Variants in CCPG1 observed in about 807,000 individuals in gnomAD.
CCPG1 encodes the protein cell cycle progression protein 1.
CCPG1 carries 46 observed loss-of-function variants against 81.3 expected under a neutral mutation model. The ratio of observed to expected loss-of-function variants is 0.57; its 90% CI spans 0.45 to 0.72. The LOEUF (loss-of-function observed/expected upper bound fraction) is 0.72. CCPG1 is among the 30% of genes least tolerant of loss of function. The pLI is 0.00. For missense variants in CCPG1, 902 were observed against 937.6 expected (o/e 0.96, Z 0.50); for synonymous variants, 330 against 305.2 (o/e 1.08, Z -0.85).
intron 6 of CCPG1, 110 bp from the exon 7 acceptor site, chr15:55,365,419 G>GTTTTTTTTTTTGTTTTTTTTTTT (rs2056303184): frequency 2.2e-6 from 1 of 446,370 alleles, no homozygotes; most frequent in Non-Finnish European, 3.6e-6. Flanking sequence ...TCTTTTTTTT[G>GTTTTTTTTTTTGTTTTTTTTTTT]TTTTTTTTTT....
rs780916340 is a variant in CCPG1 at position 55,371,923 on chromosome 15, G to C, written c.576C>G (p.Asp192Glu). The C allele has an allele frequency of 6.2e-7, 1 of 1,614,074 alleles. No homozygotes were observed. The highest frequency in any genetic ancestry group is 1.7e-5 in the Admixed American group (1 of 59,998). The change falls in exon 6 of 9, where the codon GAC (aspartate) becomes GAG (glutamate). Residue 192 changes from aspartate to glutamate, a missense_variant. This residue lies in a region of CCPG1 where 746 missense variants were observed against 728.6 expected (regional missense o/e 1.02). Coordinates refer to ENST00000442196, the MANE Select transcript of CCPG1 (RefSeq NM_001204450.2). ...CAGTTTCTTGTTCAGCAACTAGCCG[G>C]TCTTCAGATTCTGAAGCAGAAACGG... The part of the protein sequence containing the change: ...KKTVSASESE[D>E]RLVAEQETEP...
Position 55,385,691 on chromosome 15 carries a change from A to G in CCPG1, c.84T>C (p.Asn28=), listed in dbSNP as rs1413368731. 3.7e-6 allele frequency: 6 copies of G among 1,607,440 alleles called. No homozygotes were observed. The highest frequency in any genetic ancestry group is 5.1e-6 in the Non-Finnish European group (6 of 1,174,022). The change falls in exon 3 of 9, where the codon AAT becomes AAC. Residue 28 remains asparagine (N), a synonymous_variant. Coordinates refer to ENST00000442196, the MANE Select transcript of CCPG1 (RefSeq NM_001204450.2). ...CACAGCTGTCAGTGGGGGTCACAGA[A>G]TTCAACATTTCTATATCTGACCCCT... is the stretch of plus-strand genomic sequence containing the variant. ...SHEGSDIEML[N]SVTPTDSCEP... is the part of the protein sequence containing the mutation.
At chr15:55,389,343 TA>T in intron 2 of CCPG1, 21 bp downstream of exon 2, 1 of 1,499,126 alleles carries the variant, frequency 6.7e-7, no homozygotes, top group Non-Finnish European at 9.3e-7. Flanking sequence ...AATTACCTTA[TA>T]AAAAGTATTA....
At position 55,365,211 on chromosome 15, in the gene CCPG1, G is replaced by A; in HGVS notation, c.805C>T (p.Gln269Ter). Residue 269 changes from glutamine (Q) to a stop codon, truncating the protein, a stop_gained, in exon 7 of 9, where the codon CAA becomes TAA. Transcript: ENST00000442196. LOFTEE classifies it high-confidence loss of function. ...KDYLSQCQQEQESFIDYKSLK... is the reference protein window; with the variant it reads ...KDYLSQCQQE ...ACCTTATAATCTATAAAAGATTCTT[G>A]TTCCTGTTGACACTGGGAAAGATAA... 6.8e-7 allele frequency: 1 copy of A among 1,464,912 alleles called. No individual in the cohort carries two copies. Among genetic ancestry groups the A allele is most frequent in the Non-Finnish European group, 9.4e-7 (1 of 1,058,630 alleles). 90.7% of individuals were successfully genotyped at this position (1,464,912 alleles called of 1,614,324 possible).
Position 55,374,210 on chromosome 15 carries a change from T to A in CCPG1, c.455-2166A>T, listed in dbSNP as rs764653401. 5 of 1,288,892 alleles carry A rather than the reference T, an allele frequency of 3.9e-6. No homozygotes were observed. The African/African-American group carries it at 6.1e-5, about 16-fold the overall frequency. 79.8% of individuals were successfully genotyped at this position (1,288,892 alleles called of 1,614,324 possible). A position where few individuals can be genotyped will look rare whatever the true frequency, so the allele number is the denominator to read the frequency against. On this transcript the variant is annotated intron_variant, in intron 5 of 8. Transcript: ENST00000442196. ...GTTTCAGCTGATCATCCCATCCCCA[T>A]ATGCACTCAGGAATCTTCCACAGCT...
At chr15:55,391,710 C>A (rs2056917015) in intron 1 of CCPG1, among the ~76,000 whole-genome samples, 1 of 151,746 alleles carries the variant, frequency 6.6e-6, no homozygotes, top group African/African-American at 2.4e-5. Context: ...ATTTCTGGAG[C>A]CGGAAGCAGT....
chr15:55,391,161 C>T (rs1472312194), intron 1 of CCPG1, among the ~76,000 whole-genome samples: 1 of 152,180 alleles, frequency 6.6e-6, no homozygotes, highest in Non-Finnish European at 1.5e-5. Context: ...CCCGTTCTGT[C>T]ATACAGGCTT....
chr15:55,372,649 A>T, intron 5 of CCPG1: 1 of 235,128 alleles, frequency 4.3e-6, no homozygotes, highest in Non-Finnish European at 8.4e-6. Flanking sequence ...ACAGAGCAAA[A>T]CTCTGTCTCA....
intron 3 of CCPG1, among the ~76,000 whole-genome samples, chr15:55,383,157 A>G (rs1437035920): frequency 6.6e-6 from 1 of 152,238 alleles, no homozygotes; most frequent in African/African-American, 2.4e-5. Context: ...ATGTTGTGTT[A>G]GCAGGAAACA....
intron 2 of CCPG1, among the ~76,000 whole-genome samples, chr15:55,386,566 T>C (rs1024279425): frequency 6.6e-6 from 1 of 152,048 alleles, no homozygotes; most frequent in African/African-American, 2.4e-5. Context: ...CTCTTGCGTA[T>C]ACATAACTCA....
At chr15:55,375,564 C>T (rs1251472514) in intron 5 of CCPG1, among the ~76,000 whole-genome samples, 1 of 152,070 alleles carries the variant, frequency 6.6e-6, no homozygotes, top group Non-Finnish European at 1.5e-5. Context: ...CTCTGAACAT[C>T]AAGAATGTCA....
chr15:55,401,665 CA>C (rs59999532), intron 1 of CCPG1, among the ~76,000 whole-genome samples: 81,892 of 138,122 alleles, frequency 0.59, 24,623 homozygotes, highest in East Asian at 0.94. Context: ...AACTCCGTCT[CA>C]AAAAAAAAAA....
At chr15:55,380,345 G>C (rs540733088) in intron 3 of CCPG1, among the ~76,000 whole-genome samples, 1 of 150,932 alleles carries the variant, frequency 6.6e-6, no homozygotes, top group Non-Finnish European at 1.5e-5. Flanking sequence ...GCCCAGGCTG[G>C]AGTGCAGTGG....
chr15:55,356,246 G>A lies in CCPG1; in HGVS notation c.2398C>T (p.Gln800Ter), dbSNP rs1385031132. 3.9e-6 allele frequency: 6 copies of A among 1,533,756 alleles called. No homozygotes were observed. Among genetic ancestry groups the A allele is most frequent in the Non-Finnish European group, 5.2e-6 (6 of 1,145,886 alleles). ...CAGTATTGAGGATCAAAAGGTAATT[G>A]CCCCAATTCTATTTCAAGATTTGCC... ...QMANLEIELG[Q>*]LPFDPQY Residue 800 changes from glutamine (Q) to a stop codon, truncating the protein, a stop_gained, in exon 9 of 9, where the codon CAA becomes TAA. Transcript: ENST00000442196. LOFTEE classifies it high-confidence loss of function.
chr15:55,400,225 A>C (rs1047839017), intron 1 of CCPG1, among the ~76,000 whole-genome samples: 8 of 149,756 alleles, frequency 5.3e-5, no homozygotes, highest in Admixed American at 1.4e-4. Flanking sequence ...AAAAAAAAAA[A>C]AAAGGCCAGG....
At chr15:55,383,241 T>C (rs956694881) in intron 3 of CCPG1, among the ~76,000 whole-genome samples, 5 of 152,210 alleles carry the variant, frequency 3.3e-5, no homozygotes, top group Non-Finnish European at 1.5e-5. Flanking sequence ...ATACAATGTC[T>C]AGTATTTTGA....
chr15:55,358,990 T>TAA lies in CCPG1; in HGVS notation c.2234+548_2234+549insTT, dbSNP rs757686371. 2.7e-4 allele frequency: 265 copies of TAA among 978,602 alleles called. 1 individual carries two copies. The highest frequency in any genetic ancestry group is 1.3e-3 in the Admixed American group (21 of 16,272). The allele number at this position is 978,602 out of a possible 1,614,324, so 60.6% of individuals were successfully genotyped here. A position where few individuals can be genotyped will look rare whatever the true frequency, so the allele number is the denominator to read the frequency against. On this transcript the variant is annotated intron_variant, in intron 8 of 8. Coordinates refer to ENST00000442196, the MANE Select transcript of CCPG1 (RefSeq NM_001204450.2). ...TTATTATGAAGTACACACATTAGAA[T>TAA]TTGACTTGCTTAGTTTGCCTCTTTG...
At chr15:55,380,279 T>C (rs1263061591) in intron 3 of CCPG1, among the ~76,000 whole-genome samples, 1 of 150,042 alleles carries the variant, frequency 6.7e-6, no homozygotes, top group Non-Finnish European at 1.5e-5. Context: ...TGAACATGCA[T>C]TTCTTTTTGT....
chr15:55,370,655 T>G (rs531558341), intron 6 of CCPG1, among the ~76,000 whole-genome samples: 3 of 152,154 alleles, frequency 2.0e-5, no homozygotes, highest in Admixed American at 6.5e-5. Context: ...GGCGGGTGGA[T>G]CACAAGGTCA....
Sources: gnomAD v4.1 joint callset for allele counts (sites outside exome capture counted in the v4.1 genomes callset) on GRCh38, gnomAD v4.1.1 for gene constraint, gnomAD v4.1.1 regional missense constraint, MANE v1.5 for transcripts, NCBI Gene and HGNC (gene_info 2026-07-23, HGNC 2026-07-21) for gene names.